Variants in THBS3 observed in about 807,000 individuals in gnomAD.
THBS3 encodes thrombospondin-3.
A neutral mutation model predicts 118.3 loss-of-function variants in THBS3; 78 were observed. That is an observed-to-expected ratio of 0.66 (90% CI 0.55 to 0.80). The LOEUF (loss-of-function observed/expected upper bound fraction) is 0.80, where lower values mean the gene tolerates loss of function less well. THBS3 is among the 30% of genes least tolerant of loss of function. The pLI, the probability that THBS3 is intolerant of heterozygous loss-of-function variation, is 0.00. For synonymous variants in THBS3, 427 were observed against 475.3 expected, an observed-to-expected ratio of 0.90 and a Z score of 1.32; for missense variants, 1,057 against 1,247.4, an observed-to-expected ratio of 0.85 and a Z score of 2.30.
chr1:155,195,910 G>A lies in THBS3; in HGVS notation c.2813-11C>T, dbSNP rs1388053168. The A allele has an allele frequency of 1.2e-6, 2 of 1,614,160 alleles. No homozygotes were observed. The highest frequency in any genetic ancestry group is 1.7e-6 in the Non-Finnish European group (2 of 1,180,018). ...CCTCAGGCACTGTGTCTGAAGAAGG[G>A]GAAATAAGTAAGGTCAGAGGATGTG... On this transcript the variant is annotated splice_polypyrimidine_tract_variant and intron_variant, in intron 22 of 22. Transcript: ENST00000368378.
chr1:155,206,595 G>A lies in THBS3; in HGVS notation c.80-189C>T, dbSNP rs1179836278. Among the ~76,000 whole-genome samples, 1 of 151,812 alleles carries A rather than the reference G, an allele frequency of 6.6e-6. No individual in the cohort carries two copies. Among genetic ancestry groups the A allele is most frequent in the African/African-American group, 2.4e-5 (1 of 41,308 alleles). ...CTTGGGAGGTTGAGGCAGGTGGATC[G>A]CCTAAGGTCAGGAGTTCGAGACCAG... is the stretch of plus-strand genomic sequence containing the variant. On this transcript the variant is annotated intron_variant, in intron 1 of 22. Transcript: ENST00000368378. This position sits in a 1 kb window ranked among gnomAD's most constrained non-coding sequence, Gnocchi z 4.2.
intron 3 of THBS3, 30 bp downstream of exon 3, chr1:155,205,030 C>CGGG (rs775982017): frequency 6.2e-7 from 1 of 1,612,960 alleles, no homozygotes; most frequent in Non-Finnish European, 8.5e-7. Flanking sequence ...ACTCTATTTC[C>CGGG]ACAGAACTCA....
chr1:155,207,976 A>C, upstream of THBS3: 3 of 565,932 alleles, frequency 5.3e-6, no homozygotes, highest in East Asian at 1.3e-4. Flanking sequence ...ACAGAATTGG[A>C]GGGGGGGCCA....
In THBS3 at chr1:155,199,762, C is replaced by T. The variant is rs189213886; in HGVS notation, c.1880+42G>A. ...AGAGCAAGACTCCGTCTCAGAAAGACAAAAAAAAGAAAGACCTTGCGTCTC... is the reference window on the plus strand; with the variant it reads ...AGAGCAAGACTCCGTCTCAGAAAGATAAAAAAAAGAAAGACCTTGCGTCTC... On this transcript the variant is annotated intron_variant, in intron 16 of 22. Transcript: ENST00000368378. The T allele has an allele frequency of 1.3e-4, 207 of 1,608,802 alleles. No homozygotes were observed. In the East Asian group the frequency reaches 3.5e-3, roughly 28 times the overall value.
Position 155,204,728 on chromosome 1 carries a change from G to A in THBS3, c.646+127C>T, listed in dbSNP as rs1008186089. ...CAGGTGAAAGATTTGGAATAACAGG[G>A]TTAGAAACCCTAGGAACAGGTGAGC... On this transcript the variant is annotated intron_variant, in intron 4 of 22. Coordinates refer to ENST00000368378, the MANE Select transcript of THBS3 (RefSeq NM_007112.5). The A allele has an allele frequency of 8.0e-6, 7 of 874,804 alleles. No homozygotes were observed. The African/African-American group carries it at 8.3e-5, about 10-fold the overall frequency. The allele number at this position is 874,804 out of a possible 1,614,324, so 54.2% of individuals were successfully genotyped here. A position where few individuals can be genotyped will look rare whatever the true frequency, so the allele number is the denominator to read the frequency against.
In THBS3 at chr1:155,206,469, C is replaced by T. The variant is rs147172141; in HGVS notation, c.80-63G>A. On this transcript the variant is annotated intron_variant, in intron 1 of 22. Transcript: ENST00000368378. This position sits in a 1 kb window ranked among gnomAD's most constrained non-coding sequence, Gnocchi z 4.2. ...TCAAATGCTAAGGTATGCCCTCCCC[C>T]GAGCCCACATCACCCCCTACCCCCA... The T allele has an allele frequency of 1.8e-5, 26 of 1,449,634 alleles. No homozygotes were observed. Among genetic ancestry groups the T allele is most frequent in the Admixed American group, 1.6e-4 (9 of 54,682 alleles). 89.8% of individuals were successfully genotyped at this position (1,449,634 alleles called of 1,614,324 possible). A position where few individuals can be genotyped will look rare whatever the true frequency, so the allele number is the denominator to read the frequency against.
chr1:155,196,010 G>A lies in THBS3; in HGVS notation c.2789C>T (p.Ser930Phe), dbSNP rs748204046. The A allele has an allele frequency of 6.2e-7, 1 of 1,614,154 alleles. No homozygotes were observed. The stretch of plus-strand genomic sequence containing the variant: ...ACCATTGCATCGATACTGGAGATTG[G>A]ACCAAATTATGTTTTCTTGGGAGAA... ...FCFSQENIIW[S>F]NLQYRCNDTV... is the part of the protein sequence containing the mutation. Residue 930 changes from serine to phenylalanine, a missense_variant, in exon 22 of 23, where the codon TCC (serine) becomes TTC (phenylalanine). Coordinates refer to ENST00000368378, the MANE Select transcript of THBS3 (RefSeq NM_007112.5).
At chr1:155,196,206 CT>C in intron 21 of THBS3, 80 bp from the exon 22 acceptor site, 1 of 1,535,368 alleles carries the variant, frequency 6.5e-7, no homozygotes, top group Non-Finnish European at 8.9e-7. Context: ...TGGGGCCTTG[CT>C]TTTCCCCAGC....
intron 13 of THBS3, 85 bp downstream of exon 13, chr1:155,200,812 G>A: frequency 1.2e-6 from 2 of 1,610,068 alleles, no homozygotes; most frequent in Non-Finnish European, 1.7e-6. Flanking sequence ...CCTTACTAGA[G>A]AGCTGCCAGA....
At chr1:155,205,030 C>T (rs1670343128) in intron 3 of THBS3, 30 bp downstream of exon 3, 1 of 1,612,960 alleles carries the variant, frequency 6.2e-7, no homozygotes, top group South Asian at 1.1e-5. Context: ...ACTCTATTTC[C>T]ACAGAACTCA....
At chr1:155,196,598 T>C (rs1668717218) in intron 21 of THBS3, among the ~76,000 whole-genome samples, 1 of 152,236 alleles carries the variant, frequency 6.6e-6, no homozygotes, top group African/African-American at 2.4e-5. Flanking sequence ...CAACTAGGGC[T>C]ACTTGTTGGA....
rs201608649 is a variant in THBS3, at chr1:155,197,134, C to T, written c.2579G>A (p.Arg860Gln). The T allele has an allele frequency of 1.1e-4, 177 of 1,614,078 alleles. No individual in the cohort carries two copies. The highest frequency in any genetic ancestry group is 3.0e-5 in the Non-Finnish European group (35 of 1,180,058). ...ATTTCGTGGGTCTGTCCACAGCAGT[C>T]GTACCTGATCAGGGGTGTGGCCAGT... ...WHTGHTPDQVRLLWTDPRNVG... is the reference protein window; with the variant it reads ...WHTGHTPDQVQLLWTDPRNVG... The change falls in exon 21 of 23, where the codon CGA becomes CAA. Residue 860 changes from arginine (R) to glutamine (Q), a missense_variant. By Grantham distance (43) the Arg-to-Gln change is conservative (BLOSUM62 1). Around this residue, in one of 3 missense-constraint regions of THBS3, gnomAD observed 307 missense variants for 326.1 expected, o/e 0.94. Coordinates refer to ENST00000368378, the MANE Select transcript of THBS3 (RefSeq NM_007112.5). The surrounding 1 kb of genome is among the most constrained non-coding windows in gnomAD (Gnocchi z 5.0).
Position 155,201,952 on chromosome 1 carries a change from C to T in THBS3, c.1176+5G>A. 6.2e-7 allele frequency: 1 copy of T among 1,613,988 alleles called. No individual in the cohort carries two copies. The highest frequency in any genetic ancestry group is 8.5e-7 in the Non-Finnish European group (1 of 1,180,020). ...CCCAGAATACACTCAGGATATTCAGCTCACCACAGTGTTGGTGCAGATGGA... is the reference window on the plus strand; with the variant it reads ...CCCAGAATACACTCAGGATATTCAGTTCACCACAGTGTTGGTGCAGATGGA... On this transcript the variant is annotated splice_donor_5th_base_variant and intron_variant, in intron 10 of 22. Transcript: ENST00000368378.
chr1:155,199,529 G>A (rs1011546146), intron 16 of THBS3, among the ~76,000 whole-genome samples: 1 of 151,856 alleles, frequency 6.6e-6, no homozygotes, highest in Non-Finnish European at 1.5e-5. Context: ...AGAGGCTGGC[G>A]GATCACCTGA....
intron 13 of THBS3, 48 bp from the exon 14 acceptor site, chr1:155,200,658 T>C: frequency 6.2e-7 from 1 of 1,602,690 alleles, no homozygotes; most frequent in Non-Finnish European, 8.5e-7. Context: ...CCTAAATCAC[T>C]TGTCATCTTG....
At chr1:155,208,780 C>A (rs767139762), upstream of THBS3, 2 of 1,489,708 alleles carry the variant, frequency 1.3e-6, no homozygotes, top group Non-Finnish European at 1.8e-6. Flanking sequence ...AGGGCCCGCT[C>A]CAAACATAAC....
At position 155,206,321 on chromosome 1, in the gene THBS3, G is replaced by A; in HGVS notation, c.165C>T (p.Asp55=). ...GGCGGAAGGTGGATAAGAGGTAGATGTCCCCAGCAGTGAGCAAGGCTGTCC... is the reference window on the plus strand; with the variant it reads ...GGCGGAAGGTGGATAAGAGGTAGATATCCCCAGCAGTGAGCAAGGCTGTCC... ...KIRTALLTAG[D]IYLLSTFRLP... Residue 55 remains aspartate (D), a synonymous_variant, in exon 2 of 23, where the codon GAC becomes GAT. Transcript: ENST00000368378. This position sits in a 1 kb window ranked among gnomAD's most constrained non-coding sequence, Gnocchi z 4.2. 1.2e-6 allele frequency: 2 copies of A among 1,614,174 alleles called. No homozygotes were observed. Among genetic ancestry groups the A allele is most frequent in the Non-Finnish European group, 1.7e-6 (2 of 1,180,014 alleles).
rs566923037 is a variant in THBS3 at position 155,206,089 on chromosome 1, C to A, written c.286+111G>T. ...GATGTCTGGGCACAGCCTGATGGGA[C>A]CTTGGTCCCTAGTGGAGGCCAAGGA... On this transcript the variant is annotated intron_variant, in intron 2 of 22. Transcript: ENST00000368378. The surrounding 1 kb of genome is among the most constrained non-coding windows in gnomAD (Gnocchi z 4.2). The A allele has an allele frequency of 8.4e-6, 11 of 1,311,352 alleles. No individual in the cohort carries two copies. The East Asian group carries it at 2.1e-4, about 25-fold the overall frequency. The allele number at this position is 1,311,352 out of a possible 1,614,324, so 81.2% of individuals were successfully genotyped here.
chr1:155,196,952 C>G, intron 21 of THBS3, 89 bp downstream of exon 21: 1 of 1,343,926 alleles, frequency 7.4e-7, no homozygotes, highest in South Asian at 1.3e-5. Flanking sequence ...GCAGTTCCCA[C>G]CCATGGAGAG....
Sources: allele counts gnomAD v4.1 joint callset (sites outside exome capture counted in the v4.1 genomes callset), GRCh38; gene constraint gnomAD v4.1.1; regional missense constraint gnomAD v4.1.1; non-coding constraint Gnocchi (gnomAD v3.1); transcripts MANE v1.5; gene names NCBI Gene and HGNC (gene_info 2026-07-23, HGNC 2026-07-21).